Variants in FNDC3B observed in about 807,000 individuals in gnomAD.
The protein encoded by FNDC3B is fibronectin type III domain containing 3B, also known as fibronectin type III domain-containing protein 3B.
FNDC3B carries 12 observed loss-of-function variants against 151.5 expected under a neutral mutation model. That is an observed-to-expected ratio of 0.08 (90% confidence interval 0.05 to 0.13). The LOEUF (loss-of-function observed/expected upper bound fraction) is 0.13, where lower values mean the gene tolerates loss of function less well. Ranked by LOEUF, FNDC3B falls within the 10% of genes least tolerant of loss-of-function variation. The pLI is 1.00. For synonymous variants in FNDC3B, 528 were observed against 549.0 expected (o/e 0.96, Z 0.54); for missense variants, 1,214 against 1,505.3 (o/e 0.81, Z 3.20).
At chr3:172,311,029 A>G (rs902511706) in intron 11 of FNDC3B, 148 bp downstream of exon 11, 1 of 636,190 alleles carries the variant, frequency 1.6e-6, no homozygotes, top group East Asian at 2.7e-5. Context: ...GTTATTGACT[A>G]TGGAAAATGA....
chr3:172,118,273 ATCT>A (rs749288477), intron 2 of FNDC3B, among the ~76,000 whole-genome samples: 4 of 152,290 alleles, frequency 2.6e-5, no homozygotes, highest in South Asian at 4.2e-4. Flanking sequence ...TCTGGTTGAT[ATCT>A]TCTTAATAAC....
At chr3:172,061,332 G>A (rs541760413) in intron 1 of FNDC3B, among the ~76,000 whole-genome samples, 17 of 150,888 alleles carry the variant, frequency 1.1e-4, no homozygotes, top group Non-Finnish European at 2.1e-4. Flanking sequence ...TCCCGGGTTC[G>A]CACCATTCTC....
intron 2 of FNDC3B, among the ~76,000 whole-genome samples, chr3:172,116,916 G>A (rs1720286865): frequency 6.6e-6 from 1 of 152,214 alleles, no homozygotes; most frequent in East Asian, 1.9e-4. Flanking sequence ...TGTCAGTACT[G>A]TATTCCTTTT....
In FNDC3B at chr3:172,344,202, A is replaced by C; in HGVS notation, c.2194A>C (p.Asn732His). The C allele has an allele frequency of 6.2e-7, 1 of 1,614,146 alleles. No homozygotes were observed. Among genetic ancestry groups the C allele is most frequent in the Non-Finnish European group, 8.5e-7 (1 of 1,179,986 alleles). Reference sequence around the variant, plus strand: ...CCCAGAGCTGGAGTGCACCGTCGGCAACCTGCTTCCTGGAACCGTGTATCG... The same window carrying C: ...CCCAGAGCTGGAGTGCACCGTCGGCCACCTGCTTCCTGGAACCGTGTATCG... ...HGPELECTVG[N>H]LLPGTVYRFR... The change falls in exon 19 of 26, where the codon AAC becomes CAC. Residue 732 changes from asparagine to histidine, a missense_variant. Asn to His is a moderately conservative substitution (Grantham distance 68). This residue lies in a region of FNDC3B where 380 missense variants were observed against 420.9 expected (regional missense o/e 0.90). Coordinates refer to ENST00000415807, the MANE Select transcript of FNDC3B (RefSeq NM_022763.4).
chr3:172,391,984 G>GAA (rs3215322), intron 25 of FNDC3B, among the ~76,000 whole-genome samples: 25 of 150,356 alleles, frequency 1.7e-4, no homozygotes, highest in East Asian at 5.8e-4. Flanking sequence ...TATCTTTAAA[G>GAA]AAAAAAAAAA....
intron 3 of FNDC3B, among the ~76,000 whole-genome samples, chr3:172,223,595 T>C (rs112565037): frequency 2.4e-4 from 37 of 152,348 alleles, no homozygotes; most frequent in African/African-American, 8.9e-4. Context: ...GTATACGTTT[T>C]GGTGATTAAA....
chr3:172,262,477 T>C (rs1275585166), intron 6 of FNDC3B, among the ~76,000 whole-genome samples: 2 of 152,230 alleles, frequency 1.3e-5, no homozygotes, highest in Non-Finnish European at 2.9e-5. Context: ...TAAGTAGAAC[T>C]TTGCAAGGAG....
At chr3:172,342,968 C>A in intron 17 of FNDC3B, 43 bp from the exon 18 acceptor site, 2 of 1,235,910 alleles carry the variant, frequency 1.6e-6, no homozygotes, top group Non-Finnish European at 2.4e-6. Flanking sequence ...CTGATAAATT[C>A]ACAGTAACTA....
chr3:172,327,928 G>A (rs1319979214), intron 11 of FNDC3B, among the ~76,000 whole-genome samples: 2 of 152,222 alleles, frequency 1.3e-5, no homozygotes, highest in Non-Finnish European at 2.9e-5. Flanking sequence ...GGCCTGTCCA[G>A]TTAGAATGCT....
chr3:172,133,544 A>C lies in FNDC3B; in HGVS notation c.185A>C (p.Gln62Pro). 1 of 1,605,262 alleles carries C rather than the reference A, an allele frequency of 6.2e-7. No homozygotes were observed. Among genetic ancestry groups the C allele is most frequent in the Non-Finnish European group, 8.5e-7 (1 of 1,172,328 alleles). Reference protein sequence around the residue: ...RAEDGTLQCIQGPAEVPMMSP... With the variant: ...RAEDGTLQCIPGPAEVPMMSP... ...GAGGATGGAACACTTCAGTGCATTC[A>C]AGGTAAGGACATTTTTGGTAAATAT... The change falls in exon 3 of 26, where the codon CAA becomes CCA. Residue 62 changes from glutamine to proline, a missense_variant and splice_region_variant. Around this residue, in one of 7 missense-constraint regions of FNDC3B, gnomAD observed 113 missense variants for 177.8 expected, o/e 0.64. Coordinates refer to ENST00000415807, the MANE Select transcript of FNDC3B (RefSeq NM_022763.4).
At chr3:172,317,651 G>T (rs577022019) in intron 11 of FNDC3B, among the ~76,000 whole-genome samples, 2 of 152,342 alleles carry the variant, frequency 1.3e-5, no homozygotes, top group Admixed American at 1.3e-4. Flanking sequence ...AATGAGATAA[G>T]TTGGACAACA....
At chr3:172,178,635 C>T (rs537496700) in intron 3 of FNDC3B, among the ~76,000 whole-genome samples, 22 of 152,266 alleles carry the variant, frequency 1.4e-4, no homozygotes, top group African/African-American at 5.3e-4. Context: ...AAGAGCTGGA[C>T]ACATGTGGAC....
intron 11 of FNDC3B, among the ~76,000 whole-genome samples, chr3:172,319,347 G>A (rs1433527372): frequency 1.3e-5 from 2 of 152,088 alleles, no homozygotes; most frequent in African/African-American, 4.8e-5. Context: ...TTAACACATC[G>A]ATCCTCTCAA....
At chr3:172,044,586 C>T (rs1037027100) in intron 1 of FNDC3B, among the ~76,000 whole-genome samples, 3 of 152,116 alleles carry the variant, frequency 2.0e-5, no homozygotes, top group Non-Finnish European at 4.4e-5. Flanking sequence ...GCAGGTAAGG[C>T]GTCAGTTACT....
At chr3:172,049,591 G>A (rs565936693) in intron 1 of FNDC3B, among the ~76,000 whole-genome samples, 8 of 152,142 alleles carry the variant, frequency 5.3e-5, no homozygotes, top group African/African-American at 1.9e-4. Flanking sequence ...GCAATGGCGC[G>A]ATCTCGGCTC....
intron 6 of FNDC3B, among the ~76,000 whole-genome samples, chr3:172,253,992 G>C (rs1292013642): frequency 1.3e-5 from 2 of 152,030 alleles, no homozygotes; most frequent in African/African-American, 4.8e-5. Flanking sequence ...GTTGGCCAGG[G>C]TGGTCTCAAA....
chr3:172,259,684 G>T (rs1434420259), intron 6 of FNDC3B, among the ~76,000 whole-genome samples: 1 of 152,124 alleles, frequency 6.6e-6, no homozygotes, highest in Non-Finnish European at 1.5e-5. Context: ...AACCATGGTG[G>T]CCCAAATTGT....
At chr3:172,286,014 G>A in intron 7 of FNDC3B, 30 bp downstream of exon 7, 1 of 1,542,516 alleles carries the variant, frequency 6.5e-7, no homozygotes, top group Non-Finnish European at 8.9e-7. Flanking sequence ...CAGCATAAAT[G>A]ACACTTTTTA....
chr3:172,108,469 C>T (rs1278230050), intron 1 of FNDC3B, among the ~76,000 whole-genome samples: 2 of 152,314 alleles, frequency 1.3e-5, no homozygotes, highest in South Asian at 2.1e-4. Flanking sequence ...AAAGCCTTGT[C>T]GGCTTTCATC....
Sources: allele counts gnomAD v4.1 joint callset (sites outside exome capture counted in the v4.1 genomes callset), GRCh38; gene constraint gnomAD v4.1.1; regional missense constraint gnomAD v4.1.1; transcripts MANE v1.5; gene names NCBI Gene and HGNC (gene_info 2026-07-23, HGNC 2026-07-21).